Variants in EIF3B observed in about 807,000 individuals in gnomAD.
The protein encoded by EIF3B is eukaryotic translation initiation factor 3 subunit B.
Under a neutral mutation model 104.6 loss-of-function variants are expected in EIF3B, and 10 were observed. That is an observed-to-expected ratio of 0.10 (90% CI 0.06 to 0.16). The LOEUF (loss-of-function observed/expected upper bound fraction) is 0.16, where lower values mean the gene tolerates loss of function less well. Ranked by LOEUF, EIF3B falls within the 10% of genes least tolerant of loss-of-function variation. EIF3B has a pLI of 1.00. For synonymous variants in EIF3B, 542 were observed against 417.2 expected, an observed-to-expected ratio of 1.30 and a Z score of -3.65; for missense variants, 1,014 against 1,087.9, an observed-to-expected ratio of 0.93 and a Z score of 0.96.
intron 4 of EIF3B, among the ~76,000 whole-genome samples, chr7:2,363,381 C>T (rs1161739464): frequency 8.2e-5 from 8 of 97,366 alleles, no homozygotes; most frequent in Admixed American, 5.7e-4. Flanking sequence ...ATCACTTGAG[C>T]CTGGGAGGTT....
intron 4 of EIF3B, 110 bp from the exon 5 acceptor site, chr7:2,363,522 T>G: frequency 1.0e-6 from 1 of 977,168 alleles, no homozygotes; most frequent in Non-Finnish European, 1.5e-6. Context: ...AGGGTGTGAC[T>G]TGGGAGTTAA....
At chr7:2,367,122 C>G in intron 9 of EIF3B, 77 bp downstream of exon 9, 1 of 1,093,492 alleles carries the variant, frequency 9.1e-7, no homozygotes, top group Non-Finnish European at 1.3e-6. Context: ...AAAAAAAACA[C>G]AATACCATAG....
Position 2,377,024 on chromosome 7 carries a change from G to A in EIF3B, c.2103G>A (p.Gln701=). 2 of 1,613,852 alleles carry A rather than the reference G, an allele frequency of 1.2e-6. No individual in the cohort carries two copies. The highest frequency in any genetic ancestry group is 1.1e-5 in the South Asian group (1 of 91,080). The change falls in exon 15 of 19, where the codon CAG becomes CAA. Residue 701 remains glutamine (Q), a synonymous_variant. Transcript: ENST00000360876. ...AGAACAACAAGGACCGCTTCTGCCA[G>A]CTGCTGTGGCGGCCCCGGCCTCCCA... ...LQKNNKDRFC[Q]LLWRPRPPTL...
intron 2 of EIF3B, among the ~76,000 whole-genome samples, chr7:2,361,985 A>G (rs1024093128): frequency 2.2e-5 from 3 of 135,462 alleles, no homozygotes; most frequent in Admixed American, 2.2e-4. Flanking sequence ...ATTGAGACAG[A>G]GTCTTGCTCT....
At chr7:2,371,894 C>A (rs774643456) in intron 11 of EIF3B, 45 bp downstream of exon 11, 1 of 1,478,244 alleles carries the variant, frequency 6.8e-7, no homozygotes, top group Non-Finnish European at 9.5e-7. Context: ...GGCCTACGTG[C>A]TGTTTTACTC....
At chr7:2,379,360 C>T (rs766622937) in intron 17 of EIF3B, 34 bp from the exon 18 acceptor site, 5 of 1,561,738 alleles carry the variant, frequency 3.2e-6, no homozygotes, top group Non-Finnish European at 2.6e-6. Context: ...AGGCATGTGC[C>T]CCCATGGGTG....
At chr7:2,360,641 G>C (rs1458330951) in intron 1 of EIF3B, 69 bp from the exon 2 acceptor site, 4 of 1,266,908 alleles carry the variant, frequency 3.2e-6, no homozygotes, top group Non-Finnish European at 4.4e-6. Flanking sequence ...GACTTGTTTA[G>C]TGTGCTCAGT....
intron 1 of EIF3B, among the ~76,000 whole-genome samples, chr7:2,356,755 C>A (rs978645669): frequency 6.6e-6 from 1 of 151,876 alleles, no homozygotes; most frequent in Non-Finnish European, 1.5e-5. Context: ...AGCCTAGATC[C>A]CACCACTGCC....
intron 6 of EIF3B, among the ~76,000 whole-genome samples, chr7:2,365,751 C>T (rs1185825813): frequency 4.7e-5 from 7 of 148,956 alleles, no homozygotes; most frequent in Non-Finnish European, 7.4e-5. Flanking sequence ...TACCAGTTCA[C>T]TGCAACCTCC....
At chr7:2,362,585 C>T (rs1343739212) in intron 2 of EIF3B, 60 bp from the exon 3 acceptor site, 8 of 1,599,346 alleles carry the variant, frequency 5.0e-6, no homozygotes, top group Non-Finnish European at 5.1e-6. Context: ...GTGGGGCGGA[C>T]AGCGCATACC....
intron 12 of EIF3B, 107 bp from the exon 13 acceptor site, chr7:2,374,421 G>C (rs1780526354): frequency 2.0e-6 from 2 of 1,020,722 alleles, no homozygotes; most frequent in East Asian, 4.8e-5. Flanking sequence ...AGCATTACCA[G>C]CTCTGCCCTC....
chr7:2,374,568 C>T lies in EIF3B; in HGVS notation c.1851C>T (p.Ser617=), dbSNP rs776284204. 1.5e-5 allele frequency: 25 copies of T among 1,614,044 alleles called. No individual in the cohort carries two copies. The South Asian group carries it at 1.8e-4, about 11-fold the overall frequency. Residue 617 remains serine, a synonymous_variant, in exon 13 of 19, where the codon AGC becomes AGT. Coordinates refer to ENST00000360876, the MANE Select transcript of EIF3B (RefSeq NM_001037283.2). The stretch of plus-strand genomic sequence containing the variant: ...AGCAGGCGAACACCATCTTCTGGAG[C>T]CCCCAAGGACAGTTCGTGGTGTTGG... ...DKQQANTIFW[S]PQGQFVVLAG...
chr7:2,378,519 T>TG lies in EIF3B; in HGVS notation c.2155-169dup, dbSNP rs1780813870. The TG allele has an allele frequency of 2.8e-5, 16 of 569,754 alleles. No individual in the cohort carries two copies. The South Asian group carries it at 3.0e-4, about 11-fold the overall frequency. 35.3% of individuals were successfully genotyped at this position (569,754 alleles called of 1,614,324 possible). A position where few individuals can be genotyped will look rare whatever the true frequency, so the allele number is the denominator to read the frequency against. On this transcript the variant is annotated intron_variant, in intron 15 of 18. Transcript: ENST00000360876. ...AGGCGCGAGTGCTGCTGGGAAGCTG[T>TG]GTTGTGTGAATGACCCTGGGTGTCA...
At chr7:2,366,675 A>G (rs932064752) in intron 8 of EIF3B, 84 bp downstream of exon 8, 3 of 1,506,774 alleles carry the variant, frequency 2.0e-6, no homozygotes, top group African/African-American at 2.8e-5. Flanking sequence ...TTGTGCTAGA[A>G]GAGGAGGAGG....
At position 2,374,719 on chromosome 7, in the gene EIF3B, AG is replaced by A; in HGVS notation, c.1889+116del. 6 of 1,012,544 alleles carry A rather than the reference AG, an allele frequency of 5.9e-6. No individual in the cohort carries two copies. The South Asian group carries it at 7.7e-5, about 13-fold the overall frequency. The allele number at this position is 1,012,544 out of a possible 1,614,324, so 62.7% of individuals were successfully genotyped here. A position where few individuals can be genotyped will look rare whatever the true frequency, so the allele number is the denominator to read the frequency against. ...GGTAGAGAGAGTATTGTGCGCTGAA[AG>A]GGTTGCCCCAGTGTCAGTGGATAGG... On this transcript the variant is annotated intron_variant, in intron 13 of 18. Transcript: ENST00000360876.
intron 1 of EIF3B, among the ~76,000 whole-genome samples, chr7:2,358,544 T>A (rs1456351622): frequency 6.6e-6 from 1 of 152,146 alleles, no homozygotes; most frequent in Non-Finnish European, 1.5e-5. Flanking sequence ...TATTATTATT[T>A]GAGATGGAGT....
At chr7:2,358,173 TCC>T (rs905236935) in intron 1 of EIF3B, among the ~76,000 whole-genome samples, 8 of 152,226 alleles carry the variant, frequency 5.3e-5, no homozygotes, top group Admixed American at 6.5e-5. Context: ...AGCCTCTGCC[TCC>T]CCGCTTCAAG....
chr7:2,358,826 G>T (rs1303484343), intron 1 of EIF3B, among the ~76,000 whole-genome samples: 1 of 152,198 alleles, frequency 6.6e-6, no homozygotes, highest in Admixed American at 6.5e-5. Flanking sequence ...ACTGAGCCTG[G>T]CCGTGTTCTA....
chr7:2,355,340 C>T lies in EIF3B; in HGVS notation c.419C>T (p.Pro140Leu). The change falls in exon 1 of 19, where the codon CCC becomes CTC. Residue 140 changes from proline (P) to leucine (L), a missense_variant. This residue lies in a region of EIF3B where 488 missense variants were observed against 404.3 expected (regional missense o/e 1.21). Transcript: ENST00000360876. ...GAGGGCAGAGCGGCCGAGGCCGAAC[C>T]CCGGGCGCTGGAGAACGGCGACGCG... ...GNEGRAAEAEPRALENGDADE... is the reference protein window; with the variant it reads ...GNEGRAAEAELRALENGDADE... The T allele has an allele frequency of 6.5e-7, 1 of 1,540,952 alleles. No homozygotes were observed. The highest frequency in any genetic ancestry group is 8.7e-7 in the Non-Finnish European group (1 of 1,150,678).
Sources: gnomAD v4.1 joint callset for allele counts (sites outside exome capture counted in the v4.1 genomes callset) on GRCh38, gnomAD v4.1.1 for gene constraint, gnomAD v4.1.1 regional missense constraint, MANE v1.5 for transcripts, NCBI Gene and HGNC (gene_info 2026-07-23, HGNC 2026-07-21) for gene names.